The following NFX1 variants were observed in gnomAD, a reference collection of about 807,000 sequenced individuals.
NFX1 encodes the protein nuclear transcription factor, X-box binding 1.
Under a neutral mutation model 137.2 loss-of-function variants are expected in NFX1, and 69 were observed. The ratio of observed to expected loss-of-function variants is 0.50; its 90% CI spans 0.41 to 0.61. The LOEUF is 0.61. NFX1 is among the 20% of genes least tolerant of loss of function. The probability of loss-of-function intolerance (pLI) is 0.00; values close to 1 mark genes in which losing one functional copy is unlikely to be tolerated. For synonymous variants in NFX1, 495 were observed against 474.1 expected (o/e 1.04, Z -0.57); for missense variants, 1,167 against 1,391.0 (o/e 0.84, Z 2.56).
At chr9:33,304,646 T>C (rs533878105) in intron 4 of NFX1, among the ~76,000 whole-genome samples, 1 of 152,352 alleles carries the variant, frequency 6.6e-6, no homozygotes, top group East Asian at 1.9e-4. Flanking sequence ...AAGGAAGCTT[T>C]CCTTTGTTAT....
At chr9:33,314,039 A>C (rs186044646) in intron 7 of NFX1, among the ~76,000 whole-genome samples, 88 of 152,018 alleles carry the variant, frequency 5.8e-4, no homozygotes, top group Non-Finnish European at 1.1e-3. Flanking sequence ...GCTGGAGTGC[A>C]GTGGCGTGAT....
Position 33,344,309 on chromosome 9 carries a change from CAG to C in NFX1, c.2344+122_2344+123del, listed in dbSNP as rs1587861734. 3.6e-6 allele frequency: 5 copies of C among 1,381,918 alleles called. No individual in the cohort carries two copies. The South Asian group carries it at 5.0e-5, about 14-fold the overall frequency. The allele number at this position is 1,381,918 out of a possible 1,614,324, so 85.6% of individuals were successfully genotyped here. On this transcript the variant is annotated intron_variant, in intron 14 of 23. Transcript: ENST00000379540. ...TGATGGCTGCCCCTTGCTCCCGGCT[CAG>C]GGGCTGGTTCTCTGAAGGTGGGTCT...
chr9:33,293,633 T>G (rs1311064841), intron 1 of NFX1, among the ~76,000 whole-genome samples: 1 of 152,262 alleles, frequency 6.6e-6, no homozygotes, highest in Non-Finnish European at 1.5e-5. Context: ...CTGACTTTGC[T>G]ACTAATTTTA....
intron 1 of NFX1, among the ~76,000 whole-genome samples, chr9:33,292,717 C>G (rs1056717175): frequency 2.6e-5 from 4 of 152,164 alleles, no homozygotes; most frequent in African/African-American, 9.7e-5. Flanking sequence ...GTACATGCAG[C>G]CTTCTCTGGA....
chr9:33,296,087 T>C (rs774387246), intron 2 of NFX1, among the ~76,000 whole-genome samples: 1 of 152,086 alleles, frequency 6.6e-6, no homozygotes, highest in Non-Finnish European at 1.5e-5. Flanking sequence ...CCACCATGCT[T>C]GGCTGATTTT....
intron 7 of NFX1, among the ~76,000 whole-genome samples, chr9:33,318,469 A>G (rs1039602092): frequency 1.3e-5 from 2 of 152,228 alleles, no homozygotes; most frequent in Non-Finnish European, 2.9e-5. Context: ...AATGTGCTGC[A>G]GAGGCACTAT....
At chr9:33,342,677 CTTGTTGT>C in intron 12 of NFX1, 62 bp from the exon 13 acceptor site, 1 of 1,046,054 alleles carries the variant, frequency 9.6e-7, no homozygotes, top group Non-Finnish European at 1.4e-6. Flanking sequence ...TTTTATTAAT[CTTGTTGT>C]TATTTATGGA....
At position 33,294,700 on chromosome 9, in the gene NFX1, G is replaced by C. The variant is rs1463822910; in HGVS notation, c.306G>C (p.Gln102His). The C allele has an allele frequency of 6.2e-7, 1 of 1,614,134 alleles. No individual in the cohort carries two copies. Reference protein sequence around the residue: ...CNKSPKSHGLQNQPWQKLRNE... With the variant: ...CNKSPKSHGLHNQPWQKLRNE... ...AATCGCCCAAGAGCCATGGCCTTCA[G>C]AATCAACCTTGGCAGAAATTGAGGA... The change falls in exon 2 of 24, where the codon CAG (glutamine) becomes CAC (histidine). Residue 102 changes from glutamine (Q) to histidine (H), a missense_variant. By Grantham distance (24) the Gln-to-His change is conservative (BLOSUM62 0). Coordinates refer to ENST00000379540, the MANE Select transcript of NFX1 (RefSeq NM_002504.6).
At chr9:33,350,217 T>C (rs7040601) in intron 15 of NFX1, among the ~76,000 whole-genome samples, 8,437 of 149,674 alleles carry the variant, frequency 0.056, 260 homozygotes, top group East Asian at 0.097. Flanking sequence ...GGTAGGAGAA[T>C]CGCTTGAACC....
chr9:33,367,626 T>A lies in NFX1; in HGVS notation c.3290+7T>A. ...ACAGACATCAGTCAGACAAGTAAGA[T>A]TCTCCAGCTGCTTTCCAAGGGGACC... On this transcript the variant is annotated splice_region_variant and intron_variant, in intron 23 of 23. Transcript: ENST00000379540. The A allele has an allele frequency of 6.2e-7, 1 of 1,612,944 alleles. No homozygotes were observed. The highest frequency in any genetic ancestry group is 8.5e-7 in the Non-Finnish European group (1 of 1,179,204).
At chr9:33,332,669 T>C in intron 11 of NFX1, 167 bp downstream of exon 11, 1 of 530,250 alleles carries the variant, frequency 1.9e-6, no homozygotes, top group Non-Finnish European at 3.4e-6. Flanking sequence ...TGAATTCTAA[T>C]TGATGAAATG....
rs1039201821 is a variant in NFX1, at chr9:33,328,605, T to C, written c.1931T>C (p.Leu644Pro). ...SLDFIHTCEK[L>P]CHEGDCGPCS... ...GATTTCATTCATACCTGTGAAAAGC[T>C]CTGCCATGAAGGAGACTGTGGACCA... The change falls in exon 10 of 24, where the codon CTC becomes CCC. Residue 644 changes from leucine (L) to proline (P), a missense_variant. Leu to Pro is a moderately conservative substitution (Grantham distance 98). Transcript: ENST00000379540. The C allele has an allele frequency of 6.2e-7, 1 of 1,611,568 alleles. No homozygotes were observed. Among genetic ancestry groups the C allele is most frequent in the Non-Finnish European group, 8.5e-7 (1 of 1,178,034 alleles).
In NFX1 at chr9:33,366,749, C is replaced by T. The variant is rs372928232; in HGVS notation, c.3160C>T (p.Arg1054Cys). The T allele has an allele frequency of 1.4e-5, 22 of 1,614,016 alleles. No individual in the cohort carries two copies. The highest frequency in any genetic ancestry group is 5.3e-5 in the African/African-American group (4 of 74,922). The change falls in exon 22 of 24, where the codon CGC (arginine) becomes TGC (cysteine). Residue 1054 changes from arginine (R) to cysteine (C), a missense_variant. Physicochemically the swap from Arg to Cys is radical, Grantham distance 180. Transcript: ENST00000379540. ...CGTGAGCTATGACAGTGAACCGAAG[C>T]GCAATGTGGTGGTCACTGCCATCAG... is the stretch of plus-strand genomic sequence containing the variant. ...ESVSYDSEPKRNVVVTAIRGK... is the reference protein window; with the variant it reads ...ESVSYDSEPKCNVVVTAIRGK...
chr9:33,297,764 T>G (rs1821410323), intron 2 of NFX1, among the ~76,000 whole-genome samples: 1 of 152,214 alleles, frequency 6.6e-6, no homozygotes. Flanking sequence ...CATGATAGTT[T>G]GCTTCTTTGA....
At position 33,369,984 on chromosome 9, in the gene NFX1, T is replaced by A. The variant is rs754180653; in HGVS notation, c.*6T>A. 1 of 1,605,244 alleles carries A rather than the reference T, an allele frequency of 6.2e-7. No individual in the cohort carries two copies. Among genetic ancestry groups the A allele is most frequent in the Non-Finnish European group, 8.5e-7 (1 of 1,172,476 alleles). On this transcript the variant is annotated 3_prime_UTR_variant, in exon 24 of 24. Transcript: ENST00000379540. ...ATTTTGACGTCCAGGACTAAGAAGA[T>A]CATGATGCACTTAGATAAAAGAATG...
rs1233094944 is a variant in NFX1 at position 33,351,472 on chromosome 9, A to G, written c.2425-88A>G. 4 of 1,244,556 alleles carry G rather than the reference A, an allele frequency of 3.2e-6. No individual in the cohort carries two copies. The Admixed American group carries it at 7.6e-5, about 24-fold the overall frequency. The allele number at this position is 1,244,556 out of a possible 1,614,324, so 77.1% of individuals were successfully genotyped here. A position where few individuals can be genotyped will look rare whatever the true frequency, so the allele number is the denominator to read the frequency against. ...AAACAAAACAAAACCAAACCCTGCCATAAGCTTAGAAATGTTTAAAGAGAA... is the reference window on the plus strand; with the variant it reads ...AAACAAAACAAAACCAAACCCTGCCGTAAGCTTAGAAATGTTTAAAGAGAA... On this transcript the variant is annotated intron_variant, in intron 15 of 23. Coordinates refer to ENST00000379540, the MANE Select transcript of NFX1 (RefSeq NM_002504.6).
intron 3 of NFX1, among the ~76,000 whole-genome samples, chr9:33,302,870 A>G (rs1324736758): frequency 6.7e-6 from 1 of 150,356 alleles, no homozygotes; most frequent in Non-Finnish European, 1.5e-5. Flanking sequence ...ATGTTTCATC[A>G]TGTTAGCCAG....
intron 9 of NFX1, among the ~76,000 whole-genome samples, chr9:33,319,982 G>A (rs992476673): frequency 2.3e-4 from 33 of 145,444 alleles, no homozygotes; most frequent in African/African-American, 7.1e-4. Context: ...TTTTTTTTGA[G>A]ACAGAGTCTC....
In NFX1 at chr9:33,295,415, G is replaced by A; in HGVS notation, c.1021G>A (p.Glu341Lys). Reference sequence around the variant, plus strand: ...ACAGAACCATGTGCTAAAGAATGTGGAAACGCACACAGGTAAACCTACCTA... The same window carrying A: ...ACAGAACCATGTGCTAAAGAATGTGAAAACGCACACAGGTAAACCTACCTA... ...GKQNHVLKNVETHTGSLIEQL... is the reference protein window; with the variant it reads ...GKQNHVLKNVKTHTGSLIEQL... Residue 341 changes from glutamate (E) to lysine (K), a missense_variant, in exon 2 of 24, where the codon GAA becomes AAA. By Grantham distance (56) the Glu-to-Lys change is moderately conservative. This residue lies in a region of NFX1 where 488 missense variants were observed against 691.5 expected (regional missense o/e 0.71). Transcript: ENST00000379540. The A allele has an allele frequency of 6.2e-7, 1 of 1,611,992 alleles. No individual in the cohort carries two copies. The highest frequency in any genetic ancestry group is 8.5e-7 in the Non-Finnish European group (1 of 1,178,260).
Sources: allele counts gnomAD v4.1 joint callset (sites outside exome capture counted in the v4.1 genomes callset), GRCh38; gene constraint gnomAD v4.1.1; regional missense constraint gnomAD v4.1.1; transcripts MANE v1.5; gene names NCBI Gene and HGNC (gene_info 2026-07-23, HGNC 2026-07-21).